NPAS2: variants seen among roughly 807,000 people sequenced by gnomAD.
NPAS2 encodes the protein neuronal PAS domain protein 2, also known as neuronal PAS domain-containing protein 2.
In NPAS2, 23 loss-of-function variants were observed where a neutral mutation model predicts 107.5. That is an observed-to-expected ratio of 0.21 (90% confidence interval 0.15 to 0.30). NPAS2 has a LOEUF of 0.30. Ranked by LOEUF, NPAS2 falls within the 10% of genes least tolerant of loss-of-function variation. The pLI, the probability that NPAS2 is intolerant of heterozygous loss-of-function variation, is 1.00. For synonymous variants in NPAS2, 403 were observed against 417.5 expected, an observed-to-expected ratio of 0.97 and a Z score of 0.42; for missense variants, 756 against 1,043.3, an observed-to-expected ratio of 0.72 and a Z score of 3.79.
At chr2:100,952,564 C>T (rs1478339355) in intron 7 of NPAS2, among the ~76,000 whole-genome samples, 2 of 144,182 alleles carry the variant, frequency 1.4e-5, no homozygotes, top group African/African-American at 5.1e-5. Context: ...AACTCTGTCT[C>T]AAAAAAAAAA....
intron 14 of NPAS2, among the ~76,000 whole-genome samples, chr2:100,975,981 T>C (rs1221850588): frequency 6.6e-6 from 1 of 152,126 alleles, no homozygotes; most frequent in Non-Finnish European, 1.5e-5. Context: ...GTCCCCAACA[T>C]GTGCCAGATC....
chr2:100,953,787 C>T (rs184572146), intron 7 of NPAS2, among the ~76,000 whole-genome samples: 1 of 152,344 alleles, frequency 6.6e-6, no homozygotes, highest in East Asian at 1.9e-4. Flanking sequence ...CGGAATGAAA[C>T]AGACACAGGC....
rs1280164445 is a variant in NPAS2 at position 100,873,307 on chromosome 2, T to TATATACACACAC, written c.-22-31425_-22-31424insTATACACACACA. The stretch of plus-strand genomic sequence containing the variant: ...ATATATATATATATATATATATATA[T>TATATACACACAC]ACACACACACACACACACACACACA... On this transcript the variant is annotated intron_variant, in intron 1 of 20. Transcript: ENST00000335681. Among the ~76,000 whole-genome samples, 18 of 41,894 alleles carry TATATACACACAC rather than the reference T, an allele frequency of 4.3e-4. No individual in the cohort carries two copies. The Admixed American group carries it at 4.8e-3, about 11-fold the overall frequency. The allele number at this position is 41,894 out of a possible 152,430, so 27.5% of individuals were successfully genotyped here.
rs1676353761 is a variant in NPAS2, at chr2:100,968,412, A to G, written c.1039A>G (p.Thr347Ala). ...WNSKPEFIVC[T>A]HSVVSYADVR... ...CTCCAAGCCCGAGTTCATCGTGTGC[A>G]CACACTCGGTGGTCAGGTACCGCGC... Residue 347 changes from threonine (T) to alanine (A), a missense_variant, in exon 11 of 21, where the codon ACA (threonine) becomes GCA (alanine). By Grantham distance (58) the Thr-to-Ala change is moderately conservative (BLOSUM62 0). This residue lies in a region of NPAS2 where 84 missense variants were observed against 175.5 expected (regional missense o/e 0.48). Transcript: ENST00000335681. This position sits in a 1 kb window ranked among gnomAD's most constrained non-coding sequence, Gnocchi z 5.3. 1.2e-6 allele frequency: 2 copies of G among 1,613,686 alleles called. No individual in the cohort carries two copies. The highest frequency in any genetic ancestry group is 2.7e-5 in the African/African-American group (2 of 74,838).
intron 1 of NPAS2, among the ~76,000 whole-genome samples, chr2:100,872,873 T>G (rs1679664558): frequency 6.6e-6 from 1 of 152,176 alleles, no homozygotes; most frequent in Non-Finnish European, 1.5e-5. Flanking sequence ...TGTGGCATCC[T>G]GAGATCCTAT....
At chr2:100,933,387 T>C (rs1459750358) in intron 4 of NPAS2, among the ~76,000 whole-genome samples, 1 of 152,252 alleles carries the variant, frequency 6.6e-6, no homozygotes, top group Non-Finnish European at 1.5e-5. Context: ...GCTATGATTA[T>C]ACATTTTTTC....
intron 1 of NPAS2, among the ~76,000 whole-genome samples, chr2:100,868,293 C>T (rs905035006): frequency 6.6e-6 from 1 of 152,198 alleles, no homozygotes; most frequent in Non-Finnish European, 1.5e-5. Context: ...GATGTTCTCT[C>T]AGCACATTGA....
chr2:100,925,584 G>A (rs1313440716), intron 3 of NPAS2, among the ~76,000 whole-genome samples: 1 of 152,140 alleles, frequency 6.6e-6, no homozygotes, highest in African/African-American at 2.4e-5. Context: ...ACAACATCTT[G>A]ATCAAAAATC....
chr2:100,980,830 G>A (rs933377592), intron 15 of NPAS2, among the ~76,000 whole-genome samples: 12 of 152,166 alleles, frequency 7.9e-5, no homozygotes, highest in African/African-American at 2.9e-4. Flanking sequence ...AAGGAAGTCT[G>A]AGGTCAAAGC....
chr2:100,952,215 C>A (rs1310094841), intron 7 of NPAS2, among the ~76,000 whole-genome samples: 1 of 150,938 alleles, frequency 6.6e-6, no homozygotes, highest in East Asian at 2.0e-4. Context: ...TAGCAACATA[C>A]CCCAGTGGCC....
chr2:100,992,133 G>T (rs574534522), intron 19 of NPAS2, among the ~76,000 whole-genome samples: 2 of 152,370 alleles, frequency 1.3e-5, no homozygotes, highest in South Asian at 4.1e-4. Flanking sequence ...GTGGAAATAG[G>T]CTGGGCGCAG....
chr2:100,838,703 G>C (rs1052960134), intron 1 of NPAS2, among the ~76,000 whole-genome samples: 2 of 152,146 alleles, frequency 1.3e-5, no homozygotes, highest in Non-Finnish European at 2.9e-5. Context: ...CATCCTCTGA[G>C]AAATTGAGAT....
chr2:100,821,088 T>G, intron 1 of NPAS2: 1 of 1,304,472 alleles, frequency 7.7e-7, no homozygotes, highest in Non-Finnish European at 1.0e-6. Flanking sequence ...GGACGCACCT[T>G]TGACCTTTCT....
intron 10 of NPAS2, among the ~76,000 whole-genome samples, chr2:100,966,263 G>A (rs1462806265): frequency 2.0e-5 from 3 of 152,228 alleles, no homozygotes; most frequent in South Asian, 4.1e-4. Flanking sequence ...TGTGGTCGGT[G>A]CATTGAAGGG....
chr2:100,895,105 CGT>C (rs1491192164), intron 1 of NPAS2, among the ~76,000 whole-genome samples: 1 of 120,046 alleles, frequency 8.3e-6, no homozygotes, highest in African/African-American at 3.8e-5. Context: ...GTCCATCATG[CGT>C]ACACACACAC....
chr2:100,868,739 C>G (rs558739528), intron 1 of NPAS2, among the ~76,000 whole-genome samples: 32 of 152,254 alleles, frequency 2.1e-4, no homozygotes, highest in Non-Finnish European at 3.7e-4. Context: ...CTCACTCTAC[C>G]TGTGTCTCAG....
chr2:100,981,751 G>T (rs939556029), intron 15 of NPAS2, among the ~76,000 whole-genome samples: 1 of 152,144 alleles, frequency 6.6e-6, no homozygotes, highest in South Asian at 2.1e-4. Context: ...AGAGAGCCAG[G>T]ATCAGATTTA....
At chr2:100,912,747 CCT>C (rs764605849) in intron 2 of NPAS2, among the ~76,000 whole-genome samples, 11 of 152,238 alleles carry the variant, frequency 7.2e-5, no homozygotes, top group Non-Finnish European at 1.5e-4. Context: ...AGCTCTATCT[CCT>C]CTTAGTACCT....
At chr2:100,936,058 C>T (rs1684278922) in intron 4 of NPAS2, among the ~76,000 whole-genome samples, 1 of 152,166 alleles carries the variant, frequency 6.6e-6, no homozygotes, top group South Asian at 2.1e-4. Context: ...TGATGTCATC[C>T]AAGAGGACGA....
Sources: gnomAD v4.1 joint callset for allele counts (sites outside exome capture counted in the v4.1 genomes callset) on GRCh38, gnomAD v4.1.1 for gene constraint, gnomAD v4.1.1 regional missense constraint, Gnocchi (gnomAD v3.1) non-coding constraint, MANE v1.5 for transcripts, NCBI Gene and HGNC (gene_info 2026-07-23, HGNC 2026-07-21) for gene names.